The following DENND2B variants were observed in gnomAD, a reference collection of about 807,000 sequenced individuals.
DENND2B encodes the protein DENN domain-containing protein 2B.
Under a neutral mutation model 116.0 loss-of-function variants are expected in DENND2B, and 32 were observed. That is an observed-to-expected ratio of 0.28 (90% CI 0.21 to 0.37). The LOEUF (loss-of-function observed/expected upper bound fraction) is 0.37. Ranked by LOEUF, DENND2B falls within the 10% of genes least tolerant of loss-of-function variation. The pLI, the probability that DENND2B is intolerant of heterozygous loss-of-function variation, is 1.00. For missense variants in DENND2B, 1,276 were observed against 1,477.7 expected (o/e 0.86, Z 2.24); for synonymous variants, 588 against 583.9 (o/e 1.01, Z -0.10).
chr11:8,752,620 C>G (rs570968108), intron 1 of DENND2B, among the ~76,000 whole-genome samples: 1 of 152,072 alleles, frequency 6.6e-6, no homozygotes, highest in South Asian at 2.1e-4. Context: ...TTCTAATACC[C>G]ATTAAAATAA....
chr11:8,715,854 C>T (rs2044669213), intron 5 of DENND2B, 36 bp from the exon 6 acceptor site: 1 of 1,553,160 alleles, frequency 6.4e-7, no homozygotes, highest in Admixed American at 1.7e-5. Context: ...GAGGGGCTTG[C>T]CACAGAGGCC....
At chr11:8,910,397 TG>T (rs1566098847) in intron 1 of DENND2B, among the ~76,000 whole-genome samples, 1 of 151,430 alleles carries the variant, frequency 6.6e-6, no homozygotes, top group Non-Finnish European at 1.5e-5. Flanking sequence ...TTATTCCCCA[TG>T]ATGTTTTTGT....
chr11:8,873,446 A>G (rs778223715), upstream of DENND2B, among the ~76,000 whole-genome samples: 1 of 152,260 alleles, frequency 6.6e-6, no homozygotes, highest in Non-Finnish European at 1.5e-5. Context: ...AAAAGTTAAC[A>G]TCCCTTAAAT....
chr11:8,701,496 C>T (rs1039879999), intron 14 of DENND2B, among the ~76,000 whole-genome samples: 1 of 151,920 alleles, frequency 6.6e-6, no homozygotes, highest in African/African-American at 2.4e-5. Flanking sequence ...GCTTTGGAGC[C>T]TCTCTCCCTC....
intron 3 of DENND2B, among the ~76,000 whole-genome samples, chr11:8,849,607 T>G (rs1314096598): frequency 2.0e-5 from 3 of 151,258 alleles, no homozygotes; most frequent in East Asian, 1.9e-4. Flanking sequence ...GCAGATCACT[T>G]GAGGTCAGGA....
chr11:8,726,129 T>C lies in DENND2B; in HGVS notation c.1421A>G (p.Gln474Arg). 6.2e-7 allele frequency: 1 copy of C among 1,614,212 alleles called. No homozygotes were observed. Among genetic ancestry groups the C allele is most frequent in the Middle Eastern group, 1.6e-4 (1 of 6,062 alleles). The change falls in exon 4 of 20, where the codon CAA becomes CGA. Residue 474 changes from glutamine (Q) to arginine (R), a missense_variant. Transcript: ENST00000313726. ...AGTGCTTTTGGATCCAAACTTGGGT[T>C]GGTTCTCAGTACCATTCTCAGTGGG... ...SSPTENGTEN[Q>R]PKFGSKSTLE...
chr11:8,838,486 T>C (rs2062513003), intron 4 of DENND2B, among the ~76,000 whole-genome samples: 1 of 152,206 alleles, frequency 6.6e-6, no homozygotes, highest in Admixed American at 6.5e-5. Context: ...CAAAACAGTT[T>C]ACTGCATGTC....
chr11:8,782,424 T>C (rs1286520609), intron 1 of DENND2B, among the ~76,000 whole-genome samples: 1 of 152,212 alleles, frequency 6.6e-6, no homozygotes, highest in Non-Finnish European at 1.5e-5. Context: ...CCAATTTTTT[T>C]TCCTGAGCCT....
Position 8,730,441 on chromosome 11 carries a change from G to T in DENND2B, c.849C>A (p.Ser283Arg). The change falls in exon 3 of 20, where the codon AGC becomes AGA. Residue 283 changes from serine (S) to arginine (R), a missense_variant. Physicochemically the swap from Ser to Arg is moderately radical, Grantham distance 110. Coordinates refer to ENST00000313726, the MANE Select transcript of DENND2B (RefSeq NM_213618.2). The surrounding 1 kb of genome is among the most constrained non-coding windows in gnomAD (Gnocchi z 4.1). ...GSRKESSAVL[S>R]RIQKIEQVLK... ...GGACCTGTTCAATTTTCTGGATCCG[G>T]CTCAGCACTGCTGAGCTCTCCTTCC... is the stretch of plus-strand genomic sequence containing the variant. 1 of 1,609,880 alleles carries T rather than the reference G, an allele frequency of 6.2e-7. No homozygotes were observed.
chr11:8,889,737 C>T (rs1354768157), intron 1 of DENND2B, among the ~76,000 whole-genome samples: 3 of 152,198 alleles, frequency 2.0e-5, no homozygotes, highest in African/African-American at 4.8e-5. Context: ...GTAAACAAAG[C>T]GGCCAGGAAG....
At chr11:8,722,713 A>C (rs1322837373) in intron 4 of DENND2B, among the ~76,000 whole-genome samples, 4 of 152,134 alleles carry the variant, frequency 2.6e-5, no homozygotes, top group African/African-American at 9.7e-5. Context: ...GGGGACATAA[A>C]AAGGGAAAAC....
At chr11:8,835,761 G>A (rs1359218938) in intron 4 of DENND2B, 1 of 152,136 alleles carries the variant, frequency 6.6e-6, no homozygotes, top group Non-Finnish European at 1.5e-5. Flanking sequence ...CAAAGAATGG[G>A]GGAAAATACC....
chr11:8,740,906 G>GGAA (rs2050081899), intron 2 of DENND2B, among the ~76,000 whole-genome samples: 1 of 152,204 alleles, frequency 6.6e-6, no homozygotes, highest in Admixed American at 6.5e-5. Context: ...AGAAAAAGGA[G>GGAA]GAAGAGTGCC....
chr11:8,859,241 T>C (rs778177882), intron 2 of DENND2B, among the ~76,000 whole-genome samples: 9 of 152,230 alleles, frequency 5.9e-5, no homozygotes, highest in Non-Finnish European at 1.0e-4. Context: ...CTCAGTTGTA[T>C]TGTATATCTA....
chr11:8,713,535 G>A (rs1028703767), intron 8 of DENND2B, among the ~76,000 whole-genome samples: 88 of 152,018 alleles, frequency 5.8e-4, no homozygotes, highest in African/African-American at 2.0e-3. Flanking sequence ...GCCCGCCACC[G>A]TGCCTGGCTA....
chr11:8,813,557 C>G (rs1408875240), upstream of DENND2B, among the ~76,000 whole-genome samples: 1 of 152,142 alleles, frequency 6.6e-6, no homozygotes, highest in Non-Finnish European at 1.5e-5. Context: ...GTGATCCCAC[C>G]CCTTTCTATA....
chr11:8,711,078 A>C lies in DENND2B; in HGVS notation c.2282+44T>G, dbSNP rs756810240. 3.1e-6 allele frequency: 5 copies of C among 1,600,248 alleles called. No homozygotes were observed. The African/African-American group carries it at 6.7e-5, about 21-fold the overall frequency. On this transcript the variant is annotated intron_variant, in intron 10 of 19. Coordinates refer to ENST00000313726, the MANE Select transcript of DENND2B (RefSeq NM_213618.2). ...TCAGGTGCCCACGCTATGGGGGTAA[A>C]GAAGGCTATGCTCCTTCCTCCCTCA...
intron 1 of DENND2B, among the ~76,000 whole-genome samples, chr11:8,797,510 A>ACTTCCCT (rs2059934962): frequency 1.3e-5 from 1 of 79,418 alleles, no homozygotes; most frequent in East Asian, 4.1e-4. Context: ...CCTTCTTCCC[A>ACTTCCCT]CTTCCCTCTT....
chr11:8,779,935 C>T (rs1788005017), intron 1 of DENND2B, among the ~76,000 whole-genome samples: 1 of 152,224 alleles, frequency 6.6e-6, no homozygotes, highest in Non-Finnish European at 1.5e-5. Flanking sequence ...AAGGCTCCTG[C>T]TCCCACGGTA....
Sources: gnomAD v4.1 joint callset for allele counts (sites outside exome capture counted in the v4.1 genomes callset) on GRCh38, gnomAD v4.1.1 for gene constraint, Gnocchi (gnomAD v3.1) non-coding constraint, MANE v1.5 for transcripts, NCBI Gene and HGNC (gene_info 2026-07-23, HGNC 2026-07-21) for gene names.